The following COL5A1 variants were observed in gnomAD, a reference collection of about 807,000 sequenced individuals.
COL5A1 encodes the protein collagen alpha-1(V) chain.
In COL5A1, 16 loss-of-function variants were observed where a neutral mutation model predicts 263.7. The observed-to-expected ratio is 0.06, with a 90% confidence interval of 0.04 to 0.09. The LOEUF (loss-of-function observed/expected upper bound fraction) is 0.09. Ranked by LOEUF, COL5A1 falls within the 10% of genes least tolerant of loss-of-function variation. The probability of loss-of-function intolerance (pLI) is 1.00; values close to 1 mark genes in which losing one functional copy is unlikely to be tolerated. For synonymous variants in COL5A1, 1,012 were observed against 1,004.5 expected (o/e 1.01, Z -0.14); for missense variants, 2,036 against 2,540.5 (o/e 0.80, Z 4.27).
In COL5A1 at chr9:134,813,995, G is replaced by A. The variant is rs1462929012; in HGVS notation, c.3865G>A (p.Glu1289Lys). ...ACTGTCTCCCTAGGGCGAGCCTGGC[G>A]AAGCAGGTGAGCCTGGCCTTCCGGG... ...GAVGEKGEPGEAGEPGLPGEG... is the reference protein window; with the variant it reads ...GAVGEKGEPGKAGEPGLPGEG... Residue 1289 changes from glutamate to lysine, a missense_variant, in exon 49 of 66, where the codon GAA (glutamate) becomes AAA (lysine). Coordinates refer to ENST00000371817, the MANE Select transcript of COL5A1 (RefSeq NM_000093.5). 5.8e-6 allele frequency: 9 copies of A among 1,550,918 alleles called. No individual in the cohort carries two copies. Among genetic ancestry groups the A allele is most frequent in the Admixed American group, 3.9e-5 (2 of 51,030 alleles).
chr9:134,714,865 G>T (rs1260211103), intron 4 of COL5A1, among the ~76,000 whole-genome samples: 1 of 140,954 alleles, frequency 7.1e-6, no homozygotes, highest in Non-Finnish European at 1.6e-5. Context: ...GGTAGTGGAG[G>T]TGATGGTAGT....
chr9:134,821,457 G>A lies in COL5A1; in HGVS notation c.4555-640G>A, dbSNP rs556375193. Among the ~76,000 whole-genome samples the A allele has an allele frequency of 3.3e-5, 5 of 152,284 alleles. No homozygotes were observed. The highest frequency in any genetic ancestry group is 2.1e-4 in the South Asian group (1 of 4,816). ...CTACCCTCGCCCCCAGCTTCTGCCC[G>A]GAGAGAGCTCTGAGTGGAATCCAGG... is the stretch of plus-strand genomic sequence containing the variant. On this transcript the variant is annotated intron_variant, in intron 58 of 65. Transcript: ENST00000371817. This position sits in a 1 kb window ranked among gnomAD's most constrained non-coding sequence, Gnocchi z 4.2.
rs749357780 is a variant in COL5A1 at position 134,700,164 on chromosome 9, G to T, written c.491+42G>T. ...GGGCAACTGTCCCCCTGCTGGAGGG[G>T]GGATCAGGCCAGCTCATACCACTGA... On this transcript the variant is annotated intron_variant, in intron 3 of 65. Transcript: ENST00000371817. This position sits in a 1 kb window ranked among gnomAD's most constrained non-coding sequence, Gnocchi z 4.0. The T allele has an allele frequency of 1.9e-6, 3 of 1,576,476 alleles. No homozygotes were observed.
intron 63 of COL5A1, 113 bp from the exon 64 acceptor site, chr9:134,829,863 C>G (rs770817875): frequency 1.7e-6 from 2 of 1,182,206 alleles, no homozygotes; most frequent in African/African-American, 3.1e-5. Flanking sequence ...GCCCCCCCGG[C>G]GTGAGGATGC....
chr9:134,819,188 C>A, intron 57 of COL5A1, 135 bp downstream of exon 57: 2 of 966,350 alleles, frequency 2.1e-6, no homozygotes, highest in Non-Finnish European at 3.2e-6. Flanking sequence ...TGGTGGGGAA[C>A]CTGAGGGGTG....
At chr9:134,817,262 C>T (rs1451079083) in intron 53 of COL5A1, among the ~76,000 whole-genome samples, 183 bp downstream of exon 53, 1 of 152,224 alleles carries the variant, frequency 6.6e-6, no homozygotes, top group Non-Finnish European at 1.5e-5. Flanking sequence ...CTTGCCAGGT[C>T]GACGCAGCTG....
chr9:134,731,571 G>A lies in COL5A1; in HGVS notation c.1240G>A (p.Glu414Lys), dbSNP rs763456705. The A allele has an allele frequency of 2.8e-5, 46 of 1,614,104 alleles. No individual in the cohort carries two copies. The highest frequency in any genetic ancestry group is 3.6e-5 in the Non-Finnish European group (43 of 1,180,034). Residue 414 changes from glutamate (E) to lysine (K), a missense_variant, in exon 8 of 66, where the codon GAG (glutamate) becomes AAG (lysine). By Grantham distance (56) the Glu-to-Lys change is moderately conservative (BLOSUM62 1). Around this residue, in one of 3 missense-constraint regions of COL5A1, gnomAD observed 600 missense variants for 634.5 expected, o/e 0.95. Transcript: ENST00000371817. ...TGAGGAAACGATCCGGAACCTTGAC[G>A]AGAACTACTACGACCCCTACTACGA... ...FTEETIRNLDENYYDPYYDPT... is the reference protein window; with the variant it reads ...FTEETIRNLDKNYYDPYYDPT...
intron 1 of COL5A1, among the ~76,000 whole-genome samples, chr9:134,685,508 C>T: frequency 0.014 from 4 of 296 alleles, no homozygotes; most frequent in East Asian, 0.062. Context: ...ATCCATCCAT[C>T]ACCATCCATC....
At position 134,741,100 on chromosome 9, in the gene COL5A1, T is replaced by C. The variant is rs1389660395; in HGVS notation, c.1494+2292T>C. Among the ~76,000 whole-genome samples the C allele has an allele frequency of 6.6e-6, 1 of 152,186 alleles. No individual in the cohort carries two copies. The highest frequency in any genetic ancestry group is 1.5e-5 in the Non-Finnish European group (1 of 68,034). On this transcript the variant is annotated intron_variant, in intron 11 of 65. Transcript: ENST00000371817. This position sits in a 1 kb window ranked among gnomAD's most constrained non-coding sequence, Gnocchi z 4.5. ...CTCACCGCTCAGCGCCCTCTTGATGTCCAGATCTTGCTCGATGCCCGCTAA... is the reference window on the plus strand; with the variant it reads ...CTCACCGCTCAGCGCCCTCTTGATGCCCAGATCTTGCTCGATGCCCGCTAA...
chr9:134,711,433 G>T (rs575105924), intron 4 of COL5A1, among the ~76,000 whole-genome samples: 1 of 152,220 alleles, frequency 6.6e-6, no homozygotes, highest in East Asian at 1.9e-4. Context: ...TCACTTTTCT[G>T]CCAGCACCCT....
At chr9:134,729,407 T>G (rs3124304) in intron 6 of COL5A1, among the ~76,000 whole-genome samples, 60,945 of 151,832 alleles carry the variant, frequency 0.4, 13,442 homozygotes, top group Admixed American at 0.58. Context: ...TTGTCAGAGG[T>G]AAAGAGGGTG....
At chr9:134,674,873 T>A (rs2132519516) in intron 1 of COL5A1, among the ~76,000 whole-genome samples, 1 of 151,104 alleles carries the variant, frequency 6.6e-6, no homozygotes, top group South Asian at 2.1e-4. Flanking sequence ...AGAATGAGAC[T>A]CCATCTCAAA....
At chr9:134,831,509 A>G (rs1588611351) in intron 64 of COL5A1, among the ~76,000 whole-genome samples, 1 of 152,146 alleles carries the variant, frequency 6.6e-6, no homozygotes, top group Admixed American at 6.5e-5. Context: ...AGGGCCCGGG[A>G]CCAGGGCTGC....
intron 1 of COL5A1, among the ~76,000 whole-genome samples, chr9:134,655,923 A>G (rs1831956624): frequency 6.6e-6 from 1 of 152,178 alleles, no homozygotes; most frequent in African/African-American, 2.4e-5. Flanking sequence ...CAGCAGCTGC[A>G]CTGCCATTTT....
Position 134,794,946 on chromosome 9 carries a change from G to C in COL5A1, c.2701-136G>C, listed in dbSNP as rs1242179041. The C allele has an allele frequency of 5.7e-6, 5 of 873,114 alleles. No homozygotes were observed. Among genetic ancestry groups the C allele is most frequent in the African/African-American group, 1.7e-5 (1 of 59,788 alleles). 54.1% of individuals were successfully genotyped at this position (873,114 alleles called of 1,614,324 possible). On this transcript the variant is annotated intron_variant, in intron 32 of 65. Transcript: ENST00000371817. The surrounding 1 kb of genome is among the most constrained non-coding windows in gnomAD (Gnocchi z 4.3). ...AAATCTCCTATTAAAACACGGAAAAGGTGGGTGGCGGGGAGGCCCAGGTTC... is the reference window on the plus strand; with the variant it reads ...AAATCTCCTATTAAAACACGGAAAACGTGGGTGGCGGGGAGGCCCAGGTTC...
Position 134,758,817 on chromosome 9 carries a change from C to T in COL5A1, c.1935+521C>T, listed in dbSNP as rs947728859. On this transcript the variant is annotated intron_variant, in intron 18 of 65. Transcript: ENST00000371817. This position sits in a 1 kb window ranked among gnomAD's most constrained non-coding sequence, Gnocchi z 4.1. ...ATTTGAAAGTGTGTCCCGTGAGTCC[C>T]GAGCTAGTGCGGTGACCTGGGGGTC... Among the ~76,000 whole-genome samples the T allele has an allele frequency of 7.9e-5, 12 of 152,122 alleles. No homozygotes were observed. Among genetic ancestry groups the T allele is most frequent in the African/African-American group, 2.2e-4 (9 of 41,416 alleles).
intron 1 of COL5A1, among the ~76,000 whole-genome samples, chr9:134,668,631 C>A (rs1010976883): frequency 6.6e-6 from 1 of 151,654 alleles, no homozygotes; most frequent in African/African-American, 2.4e-5. Flanking sequence ...ATGTATATAC[C>A]AACCCATCCA....
In COL5A1 at chr9:134,680,578, G is replaced by A. The variant is rs567180282; in HGVS notation, c.110-10334G>A. ...AAACTGCTGCTCTCTGCTGTACCAT[G>A]TCCGGTGAGGTCCTGAAGTGCAAAA... On this transcript the variant is annotated intron_variant, in intron 1 of 65. Transcript: ENST00000371817. The surrounding 1 kb of genome is among the most constrained non-coding windows in gnomAD (Gnocchi z 5.9). Among the ~76,000 whole-genome samples the A allele has an allele frequency of 3.2e-4, 49 of 152,218 alleles. No homozygotes were observed. The highest frequency in any genetic ancestry group is 6.2e-4 in the Non-Finnish European group (42 of 68,048).
chr9:134,806,376 T>G, intron 42 of COL5A1, 80 bp downstream of exon 42: 1 of 992,074 alleles, frequency 1.0e-6, no homozygotes, highest in Non-Finnish European at 1.5e-6. Context: ...TCCCTCCCCC[T>G]GTGATGTCCC....
Sources: allele counts gnomAD v4.1 joint callset (sites outside exome capture counted in the v4.1 genomes callset), GRCh38; gene constraint gnomAD v4.1.1; regional missense constraint gnomAD v4.1.1; non-coding constraint Gnocchi (gnomAD v3.1); transcripts MANE v1.5; gene names NCBI Gene and HGNC (gene_info 2026-07-23, HGNC 2026-07-21).